The following LCA5L variants were observed in gnomAD, a reference collection of about 807,000 sequenced individuals.
The protein encoded by LCA5L is lebercilin-like protein.
Under a neutral mutation model 45.4 loss-of-function variants are expected in LCA5L, and 35 were observed. The observed-to-expected ratio is 0.77, with a 90% CI of 0.59 to 1.02. The LOEUF (loss-of-function observed/expected upper bound fraction) is 1.02, where lower values mean the gene tolerates loss of function less well. LCA5L is among the 50% of genes least tolerant of loss of function. The probability of loss-of-function intolerance (pLI) is 0.00; values close to 1 mark genes in which losing one functional copy is unlikely to be tolerated. For synonymous variants in LCA5L, 233 were observed against 264.7 expected, an observed-to-expected ratio of 0.88 and a Z score of 1.16; for missense variants, 668 against 761.6, an observed-to-expected ratio of 0.88 and a Z score of 1.45.
intron 2 of LCA5L, among the ~76,000 whole-genome samples, chr21:39,441,147 G>T (rs927090939): frequency 1.1e-4 from 17 of 152,006 alleles, no homozygotes; most frequent in African/African-American, 3.9e-4. Flanking sequence ...AGCAGCCTGG[G>T]CAACATGGTG....
intron 2 of LCA5L, 42 bp downstream of exon 2, chr21:39,444,093 G>C (rs1021842988): frequency 2.0e-5 from 3 of 151,908 alleles, no homozygotes; most frequent in Non-Finnish European, 4.4e-5. Context: ...TGAGGGCAGG[G>C]ACCTGTCACA....
In LCA5L at chr21:39,405,959, C is replaced by T. The variant is rs752239600; in HGVS notation, c.1936G>A (p.Gly646Arg). The change falls in exon 11 of 11, where the codon GGA (glycine) becomes AGA (arginine). Residue 646 changes from glycine to arginine, a missense_variant. By Grantham distance (125) the Gly-to-Arg change is moderately radical (BLOSUM62 -2). Coordinates refer to ENST00000288350, the MANE Select transcript of LCA5L (RefSeq NM_152505.4). ...PSQASTSHAFGDSKVTVVNSI... is the reference protein window; with the variant it reads ...PSQASTSHAFRDSKVTVVNSI... ...TTTACCACAGTTACTTTAGAGTCTC[C>T]GAAAGCATGGCTGGTGGAGGCCTGA... 106 of 1,613,902 alleles carry T rather than the reference C, an allele frequency of 6.6e-5. No homozygotes were observed. Among genetic ancestry groups the T allele is most frequent in the South Asian group, 1.8e-4 (16 of 91,080 alleles).
intron 8 of LCA5L, 121 bp from the exon 9 acceptor site, chr21:39,410,488 A>C (rs2039897535): frequency 1.8e-6 from 1 of 567,864 alleles, no homozygotes. Flanking sequence ...TTTTCTAAAT[A>C]TTCAATATAT....
intron 5 of LCA5L, among the ~76,000 whole-genome samples, chr21:39,424,794 G>A (rs139863847): frequency 6.6e-6 from 1 of 152,210 alleles, no homozygotes; most frequent in South Asian, 2.1e-4. Context: ...ATTGGCATGT[G>A]TCCAGGGGTC....
chr21:39,410,189 T>C lies in LCA5L; in HGVS notation c.1164+75A>G, dbSNP rs1010900816. 4 of 1,246,264 alleles carry C rather than the reference T, an allele frequency of 3.2e-6. No homozygotes were observed. In the African/African-American group the frequency reaches 4.5e-5, roughly 14 times the overall value. 77.2% of individuals were successfully genotyped at this position (1,246,264 alleles called of 1,614,324 possible). On this transcript the variant is annotated intron_variant, in intron 9 of 10. Transcript: ENST00000288350. ...CTAATGACTACAAATACTTTTCACA[T>C]AGAACAAGTGACTGTAGCCTATTTT...
At chr21:39,439,206 G>C (rs1199520944) in intron 2 of LCA5L, among the ~76,000 whole-genome samples, 1 of 152,192 alleles carries the variant, frequency 6.6e-6, no homozygotes, top group African/African-American at 2.4e-5. Context: ...TGGCTTTCAA[G>C]ATGGAAGAAG....
At chr21:39,426,836 G>C (rs2074794957) in intron 5 of LCA5L, among the ~76,000 whole-genome samples, 1 of 152,170 alleles carries the variant, frequency 6.6e-6, no homozygotes. Flanking sequence ...TTCCTGCCCT[G>C]GGCCTTGCCA....
intron 2 of LCA5L, chr21:39,443,832 G>C (rs557480753): frequency 1.3e-5 from 2 of 152,444 alleles, no homozygotes; most frequent in African/African-American, 4.8e-5. Context: ...TCAGGAGTTT[G>C]AGACCAGCCT....
At chr21:39,442,992 A>G (rs2077023702) in intron 2 of LCA5L, among the ~76,000 whole-genome samples, 3 of 152,372 alleles carry the variant, frequency 2.0e-5, no homozygotes, top group South Asian at 2.1e-4. Flanking sequence ...GAATGGCAGC[A>G]GGAAAAGCAG....
chr21:39,438,792 A>G (rs896051698), intron 2 of LCA5L: 36 of 152,240 alleles, frequency 2.4e-4, no homozygotes, highest in African/African-American at 8.7e-4. Context: ...AATACTGATA[A>G]TGCATATTAT....
chr21:39,419,279 C>T (rs2041854892), intron 7 of LCA5L, among the ~76,000 whole-genome samples: 1 of 152,042 alleles, frequency 6.6e-6, no homozygotes, highest in African/African-American at 2.4e-5. Context: ...AATCCTAACA[C>T]TTTGGAAGGC....
intron 8 of LCA5L, 47 bp from the exon 9 acceptor site, chr21:39,410,414 A>G (rs1321458974): frequency 1.0e-6 from 1 of 972,308 alleles, no homozygotes. Flanking sequence ...TTACATTTGG[A>G]TACAATATTG....
Position 39,428,350 on chromosome 21 carries a change from A to G in LCA5L, c.144T>C (p.Ser48=), listed in dbSNP as rs1394489879. 1 of 1,612,254 alleles carries G rather than the reference A, an allele frequency of 6.2e-7. No individual in the cohort carries two copies. The highest frequency in any genetic ancestry group is 1.1e-5 in the South Asian group (1 of 90,966). The change falls in exon 5 of 11, where the codon AGT becomes AGC. Residue 48 remains serine (S), a synonymous_variant. Coordinates refer to ENST00000288350, the MANE Select transcript of LCA5L (RefSeq NM_152505.4). ...FSRNSNASNK[S]VDYSRSQCSC... ...AGCACTGAGATCTGCTATAATCAAC[A>G]CTCTTATTGGAAGCATTACTGTTCC...
chr21:39,412,600 G>GCACA (rs58572253), intron 7 of LCA5L, among the ~76,000 whole-genome samples: 4,334 of 149,594 alleles, frequency 0.029, 156 homozygotes, highest in African/African-American at 0.088. Context: ...ACGTGCATGT[G>GCACA]CACACACACA....
chr21:39,414,740 C>CTGTGTGTGTGTG (rs796818060), intron 7 of LCA5L, among the ~76,000 whole-genome samples: 152 of 104,102 alleles, frequency 1.5e-3, no homozygotes, highest in Middle Eastern at 5.4e-3. Context: ...CTCTCTCTCT[C>CTGTGTGTGTGTG]TCTGTGTGTG....
intron 5 of LCA5L, among the ~76,000 whole-genome samples, chr21:39,425,454 A>G (rs2074502151): frequency 6.6e-6 from 1 of 152,212 alleles, no homozygotes; most frequent in Non-Finnish European, 1.5e-5. Flanking sequence ...CTTCAAGTGT[A>G]TTTATTTTCC....
At chr21:39,417,598 G>A (rs1336505320) in intron 7 of LCA5L, among the ~76,000 whole-genome samples, 2 of 152,064 alleles carry the variant, frequency 1.3e-5, no homozygotes, top group Admixed American at 6.5e-5. Context: ...CTGAGTCTAG[G>A]TAATTTATAA....
At chr21:39,436,956 G>A (rs903535466) in intron 2 of LCA5L, among the ~76,000 whole-genome samples, 3 of 152,066 alleles carry the variant, frequency 2.0e-5, no homozygotes, top group Admixed American at 6.6e-5. Context: ...TCCTCAGCCT[G>A]TTTGTAGCCT....
intron 3 of LCA5L, among the ~76,000 whole-genome samples, chr21:39,432,843 A>G (rs2075883264): frequency 6.6e-6 from 1 of 152,190 alleles, no homozygotes; most frequent in Non-Finnish European, 1.5e-5. Context: ...GTGCATCAAT[A>G]TCAGTAGTTC....
Sources: allele counts gnomAD v4.1 joint callset (sites outside exome capture counted in the v4.1 genomes callset), GRCh38; gene constraint gnomAD v4.1.1; transcripts MANE v1.5; gene names NCBI Gene and HGNC (gene_info 2026-07-23, HGNC 2026-07-21).